Variants in GLIS3 observed in about 807,000 individuals in gnomAD.
The protein encoded by GLIS3 is zinc finger protein GLIS3.
In GLIS3, 53 loss-of-function variants were observed where a neutral mutation model predicts 78.6. The ratio of observed to expected loss-of-function variants is 0.67; its 90% CI spans 0.54 to 0.85. The LOEUF is 0.85. Ranked by LOEUF, GLIS3 falls within the 40% of genes least tolerant of loss-of-function variation. GLIS3 has a pLI of 0.00. For missense variants in GLIS3, 1,703 were observed against 1,231.1 expected (o/e 1.38, Z -5.74); for synonymous variants, 684 against 509.9 (o/e 1.34, Z -4.60).
chr9:4,104,571 C>G (rs1074449), intron 4 of GLIS3, among the ~76,000 whole-genome samples: 40,604 of 152,092 alleles, frequency 0.27, 6,207 homozygotes, highest in South Asian at 0.41. Flanking sequence ...GACCCTATCA[C>G]TCCTCTACTC....
chr9:4,311,141 G>A (rs1454787715), intron 2 of GLIS3, among the ~76,000 whole-genome samples: 1 of 152,222 alleles, frequency 6.6e-6, no homozygotes, highest in Non-Finnish European at 1.5e-5. Context: ...AGGCGCGGTG[G>A]CTGATGCCTG....
chr9:3,992,988 G>C (rs1278495356), intron 4 of GLIS3, among the ~76,000 whole-genome samples: 1 of 152,144 alleles, frequency 6.6e-6, no homozygotes, highest in Non-Finnish European at 1.5e-5. Context: ...ACCAGCTAAG[G>C]CTCTCAGTAA....
At chr9:3,875,907 C>T (rs1299679367) in intron 8 of GLIS3, among the ~76,000 whole-genome samples, 1 of 152,164 alleles carries the variant, frequency 6.6e-6, no homozygotes, top group Non-Finnish European at 1.5e-5. Context: ...TTTACATTAT[C>T]AACCCCTATG....
At chr9:4,032,967 C>T (rs1423487653) in intron 4 of GLIS3, among the ~76,000 whole-genome samples, 1 of 152,108 alleles carries the variant, frequency 6.6e-6, no homozygotes, top group Non-Finnish European at 1.5e-5. Context: ...CATTCTGCTG[C>T]CTCAGCCTCC....
At position 4,252,857 on chromosome 9, in the gene GLIS3, ACAGT is replaced by A. The variant is rs1281908529; in HGVS notation, c.388+33177_388+33180del. On this transcript the variant is annotated intron_variant, in intron 2 of 10. Coordinates refer to ENST00000381971, the MANE Select transcript of GLIS3 (RefSeq NM_001042413.2). ...TTTCTGTTTGTTAGTTTTCCTTCTA[ACAGT>A]CAGGCCCCTCTGCTGCAGGTCTGCT... 1.6e-4 allele frequency among the ~76,000 whole-genome samples: 25 copies of A among 152,000 alleles called. 1 individual carries two copies. Among genetic ancestry groups the A allele is most frequent in the Non-Finnish European group, 3.4e-4 (23 of 68,006 alleles).
At chr9:4,084,153 A>ACTC (rs1828796297) in intron 4 of GLIS3, among the ~76,000 whole-genome samples, 1 of 151,844 alleles carries the variant, frequency 6.6e-6, no homozygotes, top group South Asian at 2.1e-4. Flanking sequence ...GACAGCAAGA[A>ACTC]CTCCTTTGGG....
chr9:4,302,247 C>G (rs1016802123), upstream of GLIS3, among the ~76,000 whole-genome samples: 1 of 152,174 alleles, frequency 6.6e-6, no homozygotes, highest in Admixed American at 6.5e-5. Flanking sequence ...AGGAATCATA[C>G]TCTGGCAGCC....
the GLIS3 span, among the ~76,000 whole-genome samples, chr9:4,436,650 C>CA: frequency 6.6e-6 from 1 of 151,632 alleles, no homozygotes; most frequent in Non-Finnish European, 1.5e-5. Context: ...ACTAAAAATA[C>CA]AAAAAATCAG....
At chr9:4,164,587 C>T (rs1395388576) in intron 2 of GLIS3, among the ~76,000 whole-genome samples, 4 of 152,196 alleles carry the variant, frequency 2.6e-5, no homozygotes, top group Admixed American at 1.3e-4. Context: ...CCTTCATCTT[C>T]ACCAAAACTG....
intron 2 of GLIS3, among the ~76,000 whole-genome samples, chr9:4,341,630 T>C (rs923371046): frequency 1.2e-4 from 18 of 152,242 alleles, no homozygotes; most frequent in African/African-American, 1.9e-4. Context: ...ATCCCATTTA[T>C]TGATAATTTG....
chr9:4,390,014 T>A, the GLIS3 span, among the ~76,000 whole-genome samples: 2 of 152,202 alleles, frequency 1.3e-5, no homozygotes, highest in Admixed American at 1.3e-4. Context: ...CCATCAACAC[T>A]TCCTGAACAA....
At chr9:4,314,538 G>T (rs1317993075) in intron 2 of GLIS3, among the ~76,000 whole-genome samples, 1 of 151,934 alleles carries the variant, frequency 6.6e-6, no homozygotes, top group Non-Finnish European at 1.5e-5. Flanking sequence ...AGGCAAAAAA[G>T]AAAGAAAGTA....
At chr9:4,359,141 A>T in the GLIS3 span, among the ~76,000 whole-genome samples, 1 of 152,036 alleles carries the variant, frequency 6.6e-6, no homozygotes, top group Non-Finnish European at 1.5e-5. Context: ...CTTCCAGTTA[A>T]GTCAATTGCT....
intron 4 of GLIS3, among the ~76,000 whole-genome samples, chr9:4,079,088 G>A (rs981170309): frequency 6.6e-6 from 1 of 152,158 alleles, no homozygotes; most frequent in Admixed American, 6.5e-5. Context: ...AGGGTTTCCT[G>A]CACTCACATT....
intron 2 of GLIS3, among the ~76,000 whole-genome samples, chr9:4,334,788 C>G (rs1817732634): frequency 6.6e-6 from 1 of 152,138 alleles, no homozygotes; most frequent in Admixed American, 6.5e-5. Flanking sequence ...GGGGCTTGTC[C>G]AAGGCCATTT....
chr9:3,957,554 C>T lies in GLIS3; in HGVS notation c.1711-20365G>A, dbSNP rs190744205. Among the ~76,000 whole-genome samples, 7 of 152,266 alleles carry T rather than the reference C, an allele frequency of 4.6e-5. No homozygotes were observed. In the East Asian group the frequency reaches 9.7e-4, roughly 21 times the overall value. Reference sequence around the variant, plus strand: ...CTAAGGATATACCACCAGGGCAGTACTGACATAGAAAATTAGATCCTCAGC... The same window carrying T: ...CTAAGGATATACCACCAGGGCAGTATTGACATAGAAAATTAGATCCTCAGC... On this transcript the variant is annotated intron_variant, in intron 4 of 10. Coordinates refer to ENST00000381971, the MANE Select transcript of GLIS3 (RefSeq NM_001042413.2).
At chr9:4,230,568 G>A (rs1383888864) in intron 2 of GLIS3, among the ~76,000 whole-genome samples, 2 of 152,106 alleles carry the variant, frequency 1.3e-5, no homozygotes, top group African/African-American at 2.4e-5. Flanking sequence ...GAAGTCTCAG[G>A]AAAAGAATTG....
chr9:4,121,949 G>A (rs1299936221), intron 3 of GLIS3, among the ~76,000 whole-genome samples: 1 of 152,222 alleles, frequency 6.6e-6, no homozygotes, highest in African/African-American at 2.4e-5. Flanking sequence ...AGCAAAGAAA[G>A]TGACAGCTGT....
At chr9:3,878,393 C>T (rs531506786) in intron 8 of GLIS3, among the ~76,000 whole-genome samples, 233 of 152,238 alleles carry the variant, frequency 1.5e-3, no homozygotes, top group Middle Eastern at 0.01. Flanking sequence ...AGGTATTCAA[C>T]GGACATTCAT....
Sources: allele counts gnomAD v4.1 joint callset (sites outside exome capture counted in the v4.1 genomes callset), GRCh38; gene constraint gnomAD v4.1.1; transcripts MANE v1.5; gene names NCBI Gene and HGNC (gene_info 2026-07-23, HGNC 2026-07-21).